Variants in PLA2R1 observed in about 807,000 individuals in gnomAD.
PLA2R1 encodes the protein secretory phospholipase A2 receptor.
A neutral mutation model predicts 195.9 loss-of-function variants in PLA2R1; 158 were observed. The ratio of observed to expected loss-of-function variants is 0.81; its 90% CI spans 0.71 to 0.92. The LOEUF is 0.92. Among genes scored for constraint, PLA2R1 ranks in the 40% least tolerant of loss-of-function variants. The probability of loss-of-function intolerance (pLI) is 0.00; values close to 1 mark genes in which losing one functional copy is unlikely to be tolerated. For synonymous variants in PLA2R1, 586 were observed against 598.2 expected, an observed-to-expected ratio of 0.98 and a Z score of 0.30; for missense variants, 1,626 against 1,764.6, an observed-to-expected ratio of 0.92 and a Z score of 1.41.
intron 23 of PLA2R1, among the ~76,000 whole-genome samples, chr2:159,953,169 T>C (rs1375137183): frequency 6.6e-6 from 1 of 152,244 alleles, no homozygotes; most frequent in African/African-American, 2.4e-5. Flanking sequence ...TCTCCATATG[T>C]AATTGATTCC....
rs75777364 is a variant in PLA2R1, at chr2:160,056,176, G to A, written c.109+6119C>T. On this transcript the variant is annotated intron_variant, in intron 1 of 29. Transcript: ENST00000283243. ...ATCAACTGAATGTGTTATGACCAGC[G>A]AGACAAAACGAAACAGAATGGAACA... 1.9e-3 allele frequency among the ~76,000 whole-genome samples: 290 copies of A among 149,350 alleles called. 6 individuals carry two copies. The East Asian group carries it at 0.045, about 23-fold the overall frequency.
intron 13 of PLA2R1, among the ~76,000 whole-genome samples, chr2:159,983,596 G>A (rs1247924310): frequency 6.6e-6 from 1 of 151,950 alleles, no homozygotes; most frequent in Admixed American, 6.6e-5. Context: ...ATACTCCTGG[G>A]GTTCCAGGAT....
intron 12 of PLA2R1, among the ~76,000 whole-genome samples, chr2:159,986,487 G>T (rs1690344857): frequency 6.6e-6 from 1 of 152,068 alleles, no homozygotes; most frequent in Admixed American, 6.5e-5. Context: ...AACTTACGCA[G>T]AAACTGGTTA....
chr2:159,946,979 T>C, intron 26 of PLA2R1, 62 bp from the exon 27 acceptor site: 1 of 1,037,114 alleles, frequency 9.6e-7, no homozygotes, highest in Non-Finnish European at 1.5e-6. Flanking sequence ...CTTTAAAAAA[T>C]GTTTCCTATA....
At chr2:159,970,382 T>C (rs1402510322) in intron 17 of PLA2R1, among the ~76,000 whole-genome samples, 170 bp from the exon 18 acceptor site, 1 of 152,198 alleles carries the variant, frequency 6.6e-6, no homozygotes, top group Non-Finnish European at 1.5e-5. Context: ...TTCATTATCC[T>C]AAAATATTCC....
At chr2:160,046,190 C>T (rs1387238391) in intron 1 of PLA2R1, among the ~76,000 whole-genome samples, 1 of 152,202 alleles carries the variant, frequency 6.6e-6, no homozygotes, top group Non-Finnish European at 1.5e-5. Context: ...GAAATTCAGT[C>T]AGTGCTTGCT....
the PLA2R1 span, among the ~76,000 whole-genome samples, chr2:159,924,256 G>A: frequency 1.3e-5 from 2 of 152,102 alleles, no homozygotes; most frequent in Non-Finnish European, 2.9e-5. Flanking sequence ...GGCCCACCTG[G>A]GTAATGCAGG....
intron 2 of PLA2R1, 59 bp from the exon 3 acceptor site, chr2:160,042,257 C>A: frequency 6.8e-7 from 1 of 1,471,950 alleles, no homozygotes. Context: ...TCTTTGGAAA[C>A]TGCTATATAT....
At chr2:160,049,912 G>A (rs1695115716) in intron 1 of PLA2R1, among the ~76,000 whole-genome samples, 1 of 152,126 alleles carries the variant, frequency 6.6e-6, no homozygotes, top group Non-Finnish European at 1.5e-5. Flanking sequence ...TGAACAATGA[G>A]AGCACATGGA....
Position 160,022,672 on chromosome 2 carries a change from A to G in PLA2R1, c.1287T>C (p.Leu429=). ...LAEVEFLVTL[L]GDENASETWI... is the part of the protein sequence containing the mutation. ...AAGGCAGCTGGGACTCACCATCTCC[A>G]AGGAGGGTTACAAGAAACTCCACCT... The change falls in exon 7 of 30, where the codon CTT becomes CTC. Residue 429 remains leucine, a synonymous_variant. Transcript: ENST00000283243. 1 of 1,587,976 alleles carries G rather than the reference A, an allele frequency of 6.3e-7. No homozygotes were observed. The highest frequency in any genetic ancestry group is 1.2e-5 in the South Asian group (1 of 86,830).
At chr2:160,003,359 A>G (rs917460190) in intron 11 of PLA2R1, among the ~76,000 whole-genome samples, 5 of 152,082 alleles carry the variant, frequency 3.3e-5, no homozygotes, top group African/African-American at 1.2e-4. Context: ...TTTATGTGTG[A>G]CAAAACATAC....
At chr2:160,045,527 G>C (rs1694805277) in intron 1 of PLA2R1, among the ~76,000 whole-genome samples, 1 of 152,188 alleles carries the variant, frequency 6.6e-6, no homozygotes, top group African/African-American at 2.4e-5. Flanking sequence ...GGGACACTGG[G>C]TGCCAATGGA....
Position 159,949,614 on chromosome 2 carries a change from G to A in PLA2R1, c.3703C>T (p.Pro1235Ser). The change falls in exon 25 of 30, where the codon CCA becomes TCA. Residue 1235 changes from proline (P) to serine (S), a missense_variant. Transcript: ENST00000283243. ...TGAATAGAATTGAACCTACCAGGTGGCACATGACAAATGGCACCTTGCAGA... is the reference window on the plus strand; with the variant it reads ...TGAATAGAATTGAACCTACCAGGTGACACATGACAAATGGCACCTTGCAGA... ...SFLQGAICHVPPETRQSEHPE... is the reference protein window; with the variant it reads ...SFLQGAICHVSPETRQSEHPE... 6.2e-7 allele frequency: 1 copy of A among 1,612,184 alleles called. No individual in the cohort carries two copies. The highest frequency in any genetic ancestry group is 8.5e-7 in the Non-Finnish European group (1 of 1,178,310).
chr2:159,966,949 T>C (rs1405920605), intron 20 of PLA2R1, among the ~76,000 whole-genome samples: 6 of 152,118 alleles, frequency 3.9e-5, no homozygotes, highest in Non-Finnish European at 1.5e-5. Flanking sequence ...GGCAATTTTT[T>C]TTTTCTTAAT....
At chr2:160,029,095 G>C in intron 4 of PLA2R1, 132 bp from the exon 5 acceptor site, 1 of 627,520 alleles carries the variant, frequency 1.6e-6, no homozygotes, top group Non-Finnish European at 2.9e-6. Flanking sequence ...AATGCACGTG[G>C]TGCTTCTGAG....
intron 6 of PLA2R1, among the ~76,000 whole-genome samples, chr2:160,023,534 G>A (rs760112301): frequency 3.6e-4 from 55 of 152,124 alleles, no homozygotes; most frequent in Non-Finnish European, 6.8e-4. Context: ...TGTATACCCC[G>A]TTCCCAGAAA....
chr2:160,015,487 A>G (rs1381359165), intron 9 of PLA2R1, among the ~76,000 whole-genome samples: 2 of 152,222 alleles, frequency 1.3e-5, no homozygotes, highest in Non-Finnish European at 2.9e-5. Flanking sequence ...GGAAAAGGGA[A>G]GCCATGAACA....
In PLA2R1 at chr2:160,044,863, T is replaced by G; in HGVS notation, c.404A>C (p.Asp135Ala). The G allele has an allele frequency of 6.2e-7, 1 of 1,614,152 alleles. No individual in the cohort carries two copies. The highest frequency in any genetic ancestry group is 8.5e-7 in the Non-Finnish European group (1 of 1,179,976). ...CTTCCGTGAGGCCACCACTGTGTTG[T>G]CATGCGCCACCTGGACAGAGTACTG... ...PLQYSVQVAH[D>A]NTVVASRKYI... The change falls in exon 2 of 30, where the codon GAC becomes GCC. Residue 135 changes from aspartate to alanine, a missense_variant. Coordinates refer to ENST00000283243, the MANE Select transcript of PLA2R1 (RefSeq NM_007366.5).
At chr2:160,054,104 G>A (rs1029794762) in intron 1 of PLA2R1, among the ~76,000 whole-genome samples, 1 of 152,184 alleles carries the variant, frequency 6.6e-6, no homozygotes, top group Non-Finnish European at 1.5e-5. Flanking sequence ...AACCAGAAGA[G>A]TATCTGCCTT....
Sources: allele counts gnomAD v4.1 joint callset (sites outside exome capture counted in the v4.1 genomes callset), GRCh38; gene constraint gnomAD v4.1.1; transcripts MANE v1.5; gene names NCBI Gene and HGNC (gene_info 2026-07-23, HGNC 2026-07-21).